The following DGKD variants were observed in gnomAD, a reference collection of about 807,000 sequenced individuals.
The protein encoded by DGKD is diacylglycerol kinase delta.
DGKD carries 68 observed loss-of-function variants against 154.4 expected under a neutral mutation model. The ratio of observed to expected loss-of-function variants is 0.44; its 90% CI spans 0.36 to 0.54. The LOEUF is 0.54. DGKD is among the 20% of genes least tolerant of loss of function. The pLI, the probability that DGKD is intolerant of heterozygous loss-of-function variation, is 0.00. For missense variants in DGKD, 1,343 were observed against 1,593.6 expected, an observed-to-expected ratio of 0.84 and a Z score of 2.68; for synonymous variants, 693 against 638.0, an observed-to-expected ratio of 1.09 and a Z score of -1.30.
rs1329510957 is a variant in DGKD, at chr2:233,435,890, C to G, written c.659C>G (p.Ser220Trp). ...AACTGCAAGTGGACCACACTGGCCT[C>G]GATCGGGAAGGACATCATTGAAGAT... ...TNNCKWTTLA[S>W]IGKDIIEDAD... is the part of the protein sequence containing the mutation. Residue 220 changes from serine (S) to tryptophan (W), a missense_variant, in exon 6 of 30, where the codon TCG becomes TGG. Transcript: ENST00000264057. The G allele has an allele frequency of 6.2e-7, 1 of 1,611,692 alleles. No homozygotes were observed. The highest frequency in any genetic ancestry group is 8.5e-7 in the Non-Finnish European group (1 of 1,179,006).
In DGKD at chr2:233,471,815, T is replaced by G. The variant is rs2064023278; in HGVS notation, c.*2355T>G. On this transcript the variant is annotated 3_prime_UTR_variant, in exon 30 of 30. Transcript: ENST00000264057. ...CCCGCACTGGGGTGTCCTCGCTGTC[T>G]GGGGGCTGCTCTGCTGCCCCGGCCC... 1 of 152,426 alleles carries G rather than the reference T, an allele frequency of 6.6e-6. No individual in the cohort carries two copies. Among genetic ancestry groups the G allele is most frequent in the Non-Finnish European group, 1.5e-5 (1 of 68,076 alleles). 9.4% of individuals were successfully genotyped at this position (152,426 alleles called of 1,614,324 possible).
chr2:233,396,980 G>GGCGC (rs1553626492), intron 3 of DGKD, among the ~76,000 whole-genome samples: 29 of 84,912 alleles, frequency 3.4e-4, no homozygotes, highest in African/African-American at 1.3e-3. Flanking sequence ...GCTGGGGGGG[G>GGCGC]CAGAGCGAGA....
At chr2:233,455,238 T>C (rs2063420873) in intron 19 of DGKD, among the ~76,000 whole-genome samples, 1 of 152,196 alleles carries the variant, frequency 6.6e-6, no homozygotes, top group Admixed American at 6.5e-5. Context: ...GGAGGGTCTG[T>C]GTGTTCATCA....
intron 1 of DGKD, among the ~76,000 whole-genome samples, chr2:233,360,993 T>A (rs1391276114): frequency 4.3e-5 from 3 of 69,854 alleles, no homozygotes; most frequent in Non-Finnish European, 1.2e-4. Flanking sequence ...AGTTTTTTTT[T>A]TTTTTTTTTT....
At chr2:233,378,957 A>G (rs1046430565) in intron 1 of DGKD, among the ~76,000 whole-genome samples, 9 of 152,202 alleles carry the variant, frequency 5.9e-5, no homozygotes, top group Non-Finnish European at 1.3e-4. Context: ...CTTGAGCCCA[A>G]GAGGTCAAGG....
chr2:233,366,008 T>TGAG (rs1038457912), intron 1 of DGKD, among the ~76,000 whole-genome samples: 3 of 151,934 alleles, frequency 2.0e-5, no homozygotes, highest in African/African-American at 7.3e-5. Flanking sequence ...TATAGAAGAA[T>TGAG]GAGGAGGAGG....
chr2:233,418,534 AAAAT>A (rs1432740535), intron 3 of DGKD, among the ~76,000 whole-genome samples: 4 of 152,368 alleles, frequency 2.6e-5, no homozygotes, highest in Admixed American at 1.3e-4. Context: ...GGTTTCTAAA[AAAAT>A]AAATAAATTA....
intron 3 of DGKD, among the ~76,000 whole-genome samples, chr2:233,426,453 C>T (rs755301394): frequency 6.6e-6 from 1 of 152,160 alleles, no homozygotes; most frequent in African/African-American, 2.4e-5. Context: ...CCCGGAATCC[C>T]TCCTGTGTGC....
At position 233,437,423 on chromosome 2, in the gene DGKD, G is replaced by A; in HGVS notation, c.866G>A (p.Gly289Asp). The A allele has an allele frequency of 1.2e-6, 2 of 1,614,224 alleles. No homozygotes were observed. Among genetic ancestry groups the A allele is most frequent in the Admixed American group, 1.7e-5 (1 of 60,028 alleles). The change falls in exon 8 of 30, where the codon GGC becomes GAC. Residue 289 changes from glycine to aspartate, a missense_variant. Around this residue, in one of 6 missense-constraint regions of DGKD, gnomAD observed 332 missense variants for 400.1 expected, o/e 0.83. Transcript: ENST00000264057. ...TCCTTGCTGACCAAGTGCCCACTTG[G>A]CCTGTGCAAAGTGTCAGTCATCCCA... ...KESLLTKCPL[G>D]LCKVSVIPPT...
At chr2:233,419,446 C>A in intron 3 of DGKD, 1 of 985,486 alleles carries the variant, frequency 1.0e-6, no homozygotes, top group South Asian at 4.7e-5. Flanking sequence ...GGACAGTGTG[C>A]CATCATACTG....
At chr2:233,468,133 C>T (rs938127688) in intron 28 of DGKD, among the ~76,000 whole-genome samples, 2 of 151,806 alleles carry the variant, frequency 1.3e-5, no homozygotes, top group Non-Finnish European at 2.9e-5. Context: ...CTCTGTGCCT[C>T]TTTCTGCACT....
At chr2:233,463,281 TCCTCACTGCACGCATCA>T (rs1398514541) in intron 26 of DGKD, among the ~76,000 whole-genome samples, 102 of 151,798 alleles carry the variant, frequency 6.7e-4, no homozygotes, top group African/African-American at 2.4e-3. Flanking sequence ...TGCACGCGTC[TCCTCACTGCACGCATCA>T]CCTCACTCCA....
At chr2:233,446,912 C>CA in intron 12 of DGKD, 116 bp downstream of exon 12, 6 of 1,223,698 alleles carry the variant, frequency 4.9e-6, no homozygotes, top group Non-Finnish European at 6.9e-6. Context: ...GTTGGGGTGT[C>CA]ACAGTCAGGC....
At chr2:233,393,752 C>T (rs558033284) in intron 3 of DGKD, among the ~76,000 whole-genome samples, 217 of 144,824 alleles carry the variant, frequency 1.5e-3, no homozygotes, top group Non-Finnish European at 2.2e-3. Flanking sequence ...GGTGTGGTCT[C>T]GGCTCTCTGC....
chr2:233,427,337 CTTT>C (rs35153949), intron 3 of DGKD, among the ~76,000 whole-genome samples: 33 of 83,730 alleles, frequency 3.9e-4, no homozygotes, highest in Admixed American at 2.2e-3. Flanking sequence ...TATTGCCCTG[CTTT>C]TTTTTTTTTT....
At chr2:233,415,141 C>G (rs1038045551) in intron 3 of DGKD, among the ~76,000 whole-genome samples, 3 of 152,328 alleles carry the variant, frequency 2.0e-5, no homozygotes, top group Admixed American at 6.5e-5. Context: ...AACTTGAGAG[C>G]ACCCTCACAC....
chr2:233,396,786 C>T (rs1704068967), intron 3 of DGKD, among the ~76,000 whole-genome samples: 1 of 152,064 alleles, frequency 6.6e-6, no homozygotes, highest in Non-Finnish European at 1.5e-5. Context: ...AAATAGGCAC[C>T]TCGGGGATGG....
chr2:233,385,014 G>T (rs1057289734), intron 1 of DGKD, among the ~76,000 whole-genome samples: 1 of 152,174 alleles, frequency 6.6e-6, no homozygotes, highest in Non-Finnish European at 1.5e-5. Flanking sequence ...TGGCCATGCA[G>T]CCCTCAGAGC....
chr2:233,429,496 C>T (rs1163888743), intron 3 of DGKD, among the ~76,000 whole-genome samples: 1 of 152,164 alleles, frequency 6.6e-6, no homozygotes, highest in African/African-American at 2.4e-5. Context: ...TGTCCAGAGA[C>T]TCCCTGAGTC....
Sources: allele counts gnomAD v4.1 joint callset (sites outside exome capture counted in the v4.1 genomes callset), GRCh38; gene constraint gnomAD v4.1.1; regional missense constraint gnomAD v4.1.1; transcripts MANE v1.5; gene names NCBI Gene and HGNC (gene_info 2026-07-23, HGNC 2026-07-21).